The following LONRF1 variants were observed in gnomAD, a reference collection of about 807,000 sequenced individuals.
LONRF1 encodes LON peptidase N-terminal domain and RING finger protein 1.
In LONRF1, 37 loss-of-function variants were observed where a neutral mutation model predicts 85.8. The observed-to-expected ratio is 0.43, with a 90% confidence interval of 0.33 to 0.57. LONRF1 has a LOEUF of 0.57. Among genes scored for constraint, LONRF1 ranks in the 20% least tolerant of loss-of-function variants. The pLI is 0.04. For missense variants in LONRF1, 1,036 were observed against 978.0 expected (o/e 1.06, Z -0.79); for synonymous variants, 517 against 390.1 (o/e 1.33, Z -3.83).
chr8:12,725,213 T>C (rs571028543), intron 11 of LONRF1, among the ~76,000 whole-genome samples: 7 of 152,302 alleles, frequency 4.6e-5, no homozygotes, highest in Middle Eastern at 3.4e-3. Context: ...AAAAGAATAA[T>C]AGTTTCATGA....
rs1452515240 is a variant in LONRF1 at position 12,754,783 on chromosome 8, C to A, written c.638G>T (p.Arg213Leu). ...KWFPGQRERA[R>L]AAGRLGELLH... ...TAGCTCCCCGAGCCTGCCGGCCGCC[C>A]GGGCCCGCTCGCGCTGGCCCGGAAA... The change falls in exon 1 of 12, where the codon CGG becomes CTG. Residue 213 changes from arginine (R) to leucine (L), a missense_variant. Coordinates refer to ENST00000398246, the MANE Select transcript of LONRF1 (RefSeq NM_152271.5). The A allele has an allele frequency of 1.3e-6, 2 of 1,482,636 alleles. No individual in the cohort carries two copies. Among genetic ancestry groups the A allele is most frequent in the Non-Finnish European group, 1.8e-6 (2 of 1,123,808 alleles). 91.8% of individuals were successfully genotyped at this position (1,482,636 alleles called of 1,614,324 possible). A position where few individuals can be genotyped will look rare whatever the true frequency, so the allele number is the denominator to read the frequency against.
intron 1 of LONRF1, among the ~76,000 whole-genome samples, chr8:12,745,957 G>C (rs1030938148): frequency 9.9e-5 from 15 of 152,036 alleles, no homozygotes; most frequent in African/African-American, 3.6e-4. Context: ...CCTAACTTCA[G>C]ATTCATCAAA....
At chr8:12,734,740 C>T (rs1173852489) in intron 7 of LONRF1, among the ~76,000 whole-genome samples, 2 of 152,142 alleles carry the variant, frequency 1.3e-5, no homozygotes, top group African/African-American at 4.8e-5. Flanking sequence ...GTCACATGTG[C>T]CTACTTAAAT....
At chr8:12,753,353 TAA>T (rs1799486143) in intron 1 of LONRF1, 1 of 152,238 alleles carries the variant, frequency 6.6e-6, no homozygotes, top group Non-Finnish European at 1.5e-5. Context: ...CTGTAATACC[TAA>T]AGTCAGTTGC....
intron 2 of LONRF1, 119 bp downstream of exon 2, chr8:12,743,045 A>C (rs1799001815): frequency 1.4e-6 from 1 of 704,636 alleles, no homozygotes; most frequent in African/African-American, 1.8e-5. Context: ...TTTCTAGAGC[A>C]CTAGATATTT....
Position 12,755,219 on chromosome 8 carries a change from G to T in LONRF1, c.202C>A (p.Leu68Met). The T allele has an allele frequency of 7.9e-7, 1 of 1,263,674 alleles. No individual in the cohort carries two copies. Among genetic ancestry groups the T allele is most frequent in the Non-Finnish European group, 9.9e-7 (1 of 1,009,822 alleles). 78.3% of individuals were successfully genotyped at this position (1,263,674 alleles called of 1,614,324 possible). Reference protein sequence around the residue: ...LALGGHLKGALEAFAAALRRG... With the variant: ...LALGGHLKGAMEAFAAALRRG... Reference sequence around the variant, plus strand: ...CGCAGCGCCGCCGCGAACGCCTCCAGCGCGCCCTTCAGGTGGCCGCCCAGC... The same window carrying T: ...CGCAGCGCCGCCGCGAACGCCTCCATCGCGCCCTTCAGGTGGCCGCCCAGC... Residue 68 changes from leucine to methionine, a missense_variant, in exon 1 of 12, where the codon CTG (leucine) becomes ATG (methionine). Around this residue, in one of 3 missense-constraint regions of LONRF1, gnomAD observed 742 missense variants for 614.4 expected, o/e 1.21. Transcript: ENST00000398246.
At position 12,751,294 on chromosome 8, in the gene LONRF1, A is replaced by ATGTTTTTTTTTGTTT. The variant is rs1554469325; in HGVS notation, c.721+3405_721+3406insAAACAAAAAAAAACA. Among the ~76,000 whole-genome samples, 741 of 84,684 alleles carry ATGTTTTTTTTTGTTT rather than the reference A, an allele frequency of 8.8e-3. 10 individuals are homozygous for ATGTTTTTTTTTGTTT. Among genetic ancestry groups the ATGTTTTTTTTTGTTT allele is most frequent in the Non-Finnish European group, 0.013 (593 of 44,088 alleles). 55.6% of individuals were successfully genotyped at this position (84,684 alleles called of 152,430 possible). ...AGTCAAGGATTATATTTTTATTTTT[A>ATGTTTTTTTTTGTTT]TGTTTTTTTTTTTTTTTTTTTTTTT... On this transcript the variant is annotated intron_variant, in intron 1 of 11. Coordinates refer to ENST00000398246, the MANE Select transcript of LONRF1 (RefSeq NM_152271.5).
intron 2 of LONRF1, among the ~76,000 whole-genome samples, chr8:12,742,395 G>T (rs962318622): frequency 8.5e-5 from 13 of 152,154 alleles, no homozygotes; most frequent in African/African-American, 3.1e-4. Flanking sequence ...CTGACTGTAT[G>T]TTATACACAT....
At chr8:12,743,011 C>A (rs1799000153) in intron 2 of LONRF1, among the ~76,000 whole-genome samples, 153 bp downstream of exon 2, 2 of 152,186 alleles carry the variant, frequency 1.3e-5, no homozygotes, top group African/African-American at 4.8e-5. Context: ...TGGAAATGAG[C>A]CATTGCACCT....
intron 8 of LONRF1, among the ~76,000 whole-genome samples, chr8:12,729,916 G>A (rs1798464017): frequency 1.3e-5 from 2 of 152,194 alleles, no homozygotes; most frequent in Non-Finnish European, 2.9e-5. Flanking sequence ...GCAATGCCCA[G>A]TTCTGTCTGA....
Position 12,725,710 on chromosome 8 carries a change from C to A in LONRF1, c.2163+17G>T, listed in dbSNP as rs1369356472. The A allele has an allele frequency of 1.3e-6, 2 of 1,594,448 alleles. No homozygotes were observed. The highest frequency in any genetic ancestry group is 1.7e-6 in the Non-Finnish European group (2 of 1,167,514). ...TATAAAAAAGTGACTTTTGGAAGAACAGAAAAGCCACCATACCTGAAGGTT... is the reference window on the plus strand; with the variant it reads ...TATAAAAAAGTGACTTTTGGAAGAAAAGAAAAGCCACCATACCTGAAGGTT... On this transcript the variant is annotated intron_variant, in intron 11 of 11. Transcript: ENST00000398246.
Position 12,721,957 on chromosome 8 carries a change from T to G in LONRF1, c.*1139A>C, listed in dbSNP as rs1050298702. On this transcript the variant is annotated 3_prime_UTR_variant, in exon 12 of 12. Coordinates refer to ENST00000398246, the MANE Select transcript of LONRF1 (RefSeq NM_152271.5). ...ATTAAATAAGCAAAAGCAAAAATTT[T>G]AAGAAACTTTTACAAATTACTTACA... is the stretch of plus-strand genomic sequence containing the variant. 1.3e-5 allele frequency: 2 copies of G among 152,566 alleles called. No homozygotes were observed. Among genetic ancestry groups the G allele is most frequent in the African/African-American group, 4.8e-5 (2 of 41,454 alleles). 9.5% of individuals were successfully genotyped at this position (152,566 alleles called of 1,614,324 possible). A position where few individuals can be genotyped will look rare whatever the true frequency, so the allele number is the denominator to read the frequency against.
intron 3 of LONRF1, among the ~76,000 whole-genome samples, chr8:12,739,341 C>A (rs1211451728): frequency 1.2e-4 from 13 of 106,068 alleles, no homozygotes; most frequent in African/African-American, 3.5e-4. Context: ...ATATGTTCAG[C>A]AAAAAAAAAA....
At chr8:12,751,295 TG>T (rs1799379688) in intron 1 of LONRF1, among the ~76,000 whole-genome samples, 1 of 81,290 alleles carries the variant, frequency 1.2e-5, no homozygotes, top group African/African-American at 3.8e-5. Flanking sequence ...TTTATTTTTA[TG>T]TTTTTTTTTT....
chr8:12,749,328 T>G (rs1799287540), intron 1 of LONRF1, among the ~76,000 whole-genome samples: 1 of 152,028 alleles, frequency 6.6e-6, no homozygotes. Flanking sequence ...GTCAAGGGGA[T>G]GGGAAGCAAA....
intron 6 of LONRF1, among the ~76,000 whole-genome samples, chr8:12,736,011 G>A (rs1010848874): frequency 6.6e-6 from 1 of 152,128 alleles, no homozygotes; most frequent in South Asian, 2.1e-4. Flanking sequence ...TTTTGAATTT[G>A]CTAGAAATAG....
chr8:12,753,534 A>T (rs998813166), intron 1 of LONRF1: 1 of 152,196 alleles, frequency 6.6e-6, no homozygotes, highest in African/African-American at 2.4e-5. Context: ...ATGTCTGAGC[A>T]GCACCCCAGC....
At chr8:12,745,524 C>G (rs1799115613) in intron 1 of LONRF1, among the ~76,000 whole-genome samples, 3 of 152,272 alleles carry the variant, frequency 2.0e-5, no homozygotes, top group South Asian at 2.1e-4. Flanking sequence ...TCAGTCCTGA[C>G]TGTATCATTA....
In LONRF1 at chr8:12,728,865, T is replaced by C. The variant is rs570990559; in HGVS notation, c.2010+36A>G. The C allele has an allele frequency of 3.2e-5, 52 of 1,612,172 alleles. No individual in the cohort carries two copies. The East Asian group carries it at 6.7e-4, about 21-fold the overall frequency. On this transcript the variant is annotated intron_variant, in intron 10 of 11. Coordinates refer to ENST00000398246, the MANE Select transcript of LONRF1 (RefSeq NM_152271.5). ...CTGTACCAATCCCTGGAACAGGATA[T>C]ACGAAAGTATGCTGGCAAAGCACAT...
Sources: allele counts gnomAD v4.1 joint callset (sites outside exome capture counted in the v4.1 genomes callset), GRCh38; gene constraint gnomAD v4.1.1; regional missense constraint gnomAD v4.1.1; transcripts MANE v1.5; gene names NCBI Gene and HGNC (gene_info 2026-07-23, HGNC 2026-07-21).